Variants in ECHDC2 observed in about 807,000 individuals in gnomAD.
ECHDC2 encodes enoyl-CoA hydratase domain containing 2.
In ECHDC2, 34 loss-of-function variants were observed where a neutral mutation model predicts 40.6. The observed-to-expected ratio is 0.84, with a 90% CI of 0.64 to 1.11. ECHDC2 has a LOEUF of 1.11. Among genes scored for constraint, ECHDC2 ranks in the 50% most tolerant of loss-of-function variants. The pLI, the probability that ECHDC2 is intolerant of heterozygous loss-of-function variation, is 0.00. For missense variants in ECHDC2, 392 were observed against 400.7 expected (o/e 0.98, Z 0.19); for synonymous variants, 162 against 166.6 (o/e 0.97, Z 0.21).
intron 4 of ECHDC2, 113 bp downstream of exon 4, chr1:52,907,755 T>C: frequency 1.1e-6 from 1 of 936,568 alleles, no homozygotes; most frequent in Admixed American, 2.2e-5. Flanking sequence ...ATCTGTCTTA[T>C]CACAGAACTC....
intron 1 of ECHDC2, among the ~76,000 whole-genome samples, chr1:52,915,766 A>T (rs1557516845): frequency 6.6e-6 from 1 of 152,226 alleles, no homozygotes; most frequent in Non-Finnish European, 1.5e-5. Flanking sequence ...CTTCTAAGCA[A>T]TAGTATACAG....
chr1:52,913,563 G>C (rs924327280), intron 1 of ECHDC2: 1 of 152,118 alleles, frequency 6.6e-6, no homozygotes, highest in African/African-American at 2.4e-5. Context: ...TTTCTGCTTT[G>C]GCTTCTTAGA....
chr1:52,899,481 A>G (rs1646852790), intron 7 of ECHDC2: 1 of 530,390 alleles, frequency 1.9e-6, no homozygotes, highest in African/African-American at 1.9e-5. Context: ...TGCACAACAT[A>G]ACTAGTTTAC....
At chr1:52,912,117 A>C (rs1649670112) in intron 1 of ECHDC2, 2 of 1,026,282 alleles carry the variant, frequency 1.9e-6, no homozygotes, top group East Asian at 3.8e-5. Flanking sequence ...CACACACACA[A>C]GCACACATGC....
intron 3 of ECHDC2, among the ~76,000 whole-genome samples, 155 bp downstream of exon 3, chr1:52,911,411 T>C (rs991814263): frequency 1.3e-5 from 2 of 152,164 alleles, no homozygotes; most frequent in African/African-American, 4.8e-5. Flanking sequence ...TATGTGATCC[T>C]AGGCAAGGGA....
chr1:52,908,085 G>A (rs1225764628), intron 3 of ECHDC2, 131 bp from the exon 4 acceptor site: 10 of 723,254 alleles, frequency 1.4e-5, no homozygotes, highest in African/African-American at 7.0e-5. Flanking sequence ...CCAGGAACCC[G>A]GGCAAGGAAG....
chr1:52,903,316 G>C (rs978678514), intron 7 of ECHDC2, among the ~76,000 whole-genome samples: 1 of 152,038 alleles, frequency 6.6e-6, no homozygotes, highest in Non-Finnish European at 1.5e-5. Context: ...ACATGGATAC[G>C]TTCTTTAGTG....
At chr1:52,917,011 T>G (rs1650827329) in intron 1 of ECHDC2, among the ~76,000 whole-genome samples, 1 of 151,458 alleles carries the variant, frequency 6.6e-6, no homozygotes, top group Non-Finnish European at 1.5e-5. Context: ...ATCACCTGAG[T>G]CAGGAGTTCA....
intron 9 of ECHDC2, 59 bp downstream of exon 9, chr1:52,897,378 G>T: frequency 3.8e-6 from 6 of 1,559,928 alleles, no homozygotes; most frequent in Non-Finnish European, 4.4e-6. Flanking sequence ...ACCATACAAA[G>T]TCCCTCTAGC....
intron 7 of ECHDC2, 91 bp from the exon 8 acceptor site, chr1:52,899,315 G>T: frequency 8.6e-7 from 1 of 1,168,364 alleles, no homozygotes. Flanking sequence ...AAGGAGGGAG[G>T]CAGATGTCTG....
chr1:52,899,107 T>C, intron 8 of ECHDC2, 67 bp downstream of exon 8: 1 of 1,524,320 alleles, frequency 6.6e-7, no homozygotes, highest in Non-Finnish European at 9.1e-7. Context: ...GTCTGAGCTC[T>C]GAAAGCACTG....
rs752052414 is a variant in ECHDC2, at chr1:52,921,550, T to C, written c.121+3A>G. On this transcript the variant is annotated splice_donor_region_variant and intron_variant, in intron 1 of 9. Transcript: ENST00000371522. The stretch of plus-strand genomic sequence containing the variant: ...ATGCGCCGCCCCGGAACTGCACATT[T>C]ACCTTGGTCCGGACCCGCCAGGGCG... The C allele has an allele frequency of 1.2e-6, 2 of 1,609,284 alleles. No individual in the cohort carries two copies. Among genetic ancestry groups the C allele is most frequent in the South Asian group, 2.2e-5 (2 of 90,310 alleles).
At position 52,921,656 on chromosome 1, in the gene ECHDC2, G is replaced by C. The variant is rs1330353744; in HGVS notation, c.18C>G (p.Cys6Trp). 2.5e-6 allele frequency: 4 copies of C among 1,578,028 alleles called. No individual in the cohort carries two copies. The African/African-American group carries it at 4.1e-5, about 16-fold the overall frequency. Residue 6 changes from cysteine to tryptophan, a missense_variant, in exon 1 of 10, where the codon TGC becomes TGG. Cys to Trp is a radical substitution (Grantham distance 215). Transcript: ENST00000371522. ...GAAGGGGCCTCCAGGGGCGCAGGAGGCACAGAACGCGCAGCATCGGGGCGC... is the reference window on the plus strand; with the variant it reads ...GAAGGGGCCTCCAGGGGCGCAGGAGCCACAGAACGCGCAGCATCGGGGCGC... MLRVL[C>W]LLRPWRPLRA...
intron 7 of ECHDC2, chr1:52,900,316 C>T (rs1035021064): frequency 2.6e-5 from 4 of 152,168 alleles, no homozygotes; most frequent in Admixed American, 1.3e-4. Context: ...CACAGGAGAG[C>T]AATTTGGCAA....
chr1:52,897,804 T>G, intron 8 of ECHDC2: 2 of 474,730 alleles, frequency 4.2e-6, no homozygotes, highest in Non-Finnish European at 7.7e-6. Context: ...GCCCACTGAC[T>G]GGCACTTGAA....
At chr1:52,900,122 A>G (rs576560253) in intron 7 of ECHDC2, 2 of 152,352 alleles carry the variant, frequency 1.3e-5, no homozygotes, top group African/African-American at 4.8e-5. Context: ...CCACCGGAAA[A>G]GAAGTACGAA....
At chr1:52,917,293 C>CAGA (rs1036590436) in intron 1 of ECHDC2, among the ~76,000 whole-genome samples, 11 of 151,292 alleles carry the variant, frequency 7.3e-5, no homozygotes, top group African/African-American at 2.4e-4. Flanking sequence ...CTTTACTATA[C>CAGA]AGAAGAGGAA....
intron 1 of ECHDC2, chr1:52,912,095 CAGACAG>C: frequency 1.6e-6 from 2 of 1,289,408 alleles, no homozygotes; most frequent in African/African-American, 3.0e-5. Flanking sequence ...TGTTGTTAGA[CAGACAG>C]ACACACACAC....
At chr1:52,906,690 C>G in intron 4 of ECHDC2, 79 bp from the exon 5 acceptor site, 1 of 1,205,804 alleles carries the variant, frequency 8.3e-7, no homozygotes, top group Non-Finnish European at 1.2e-6. Context: ...GAGGGGCAAG[C>G]TGGTTGGGAC....
Sources: allele counts gnomAD v4.1 joint callset (sites outside exome capture counted in the v4.1 genomes callset), GRCh38; gene constraint gnomAD v4.1.1; transcripts MANE v1.5; gene names NCBI Gene and HGNC (gene_info 2026-07-23, HGNC 2026-07-21).